TFPT: variants seen among roughly 807,000 people sequenced by gnomAD.
TFPT encodes the protein TCF3 fusion partner, also known as INO80 complex subunit F.
TFPT carries 27 observed loss-of-function variants against 28.8 expected under a neutral mutation model. The observed-to-expected ratio is 0.94, with a 90% CI of 0.69 to 1.29. The LOEUF (loss-of-function observed/expected upper bound fraction) is 1.29. Ranked by LOEUF, TFPT falls within the 50% of genes most tolerant of loss-of-function variation. TFPT has a pLI of 0.00. For missense variants in TFPT, 330 were observed against 338.0 expected (o/e 0.98, Z 0.19); for synonymous variants, 152 against 142.8 (o/e 1.06, Z -0.46).
At chr19:54,114,382 TGCGGGG>T in intron 2 of TFPT, 54 bp downstream of exon 2, 1 of 1,561,254 alleles carries the variant, frequency 6.4e-7, no homozygotes, top group East Asian at 2.2e-5. Flanking sequence ...AGGCAGAGAT[TGCGGGG>T]GGCGGTAGTT....
intron 2 of TFPT, among the ~76,000 whole-genome samples, chr19:54,110,917 A>C (rs908985343): frequency 6.6e-6 from 1 of 152,226 alleles, no homozygotes; most frequent in African/African-American, 2.4e-5. Flanking sequence ...CCTTAACCAG[A>C]GCCTGGCACG....
rs748378729 is a variant in TFPT, at chr19:54,107,176, G to A, written c.643-7C>T. 10 of 1,611,872 alleles carry A rather than the reference G, an allele frequency of 6.2e-6. No homozygotes were observed. Among genetic ancestry groups the A allele is most frequent in the African/African-American group, 1.3e-5 (1 of 74,676 alleles). On this transcript the variant is annotated splice_region_variant and splice_polypyrimidine_tract_variant and intron_variant, in intron 5 of 5. Transcript: ENST00000391759. ...AGTCTTCCTCAACCTTAATCTGCAG[G>A]AGATAAGGAACAAGGTGTTAACAGG...
At chr19:54,108,638 G>A (rs587608516) in intron 3 of TFPT, 23 of 1,482,174 alleles carry the variant, frequency 1.6e-5, no homozygotes, top group East Asian at 1.2e-4. Flanking sequence ...TGACACCCTC[G>A]GCTGGATGTT....
chr19:54,108,178 C>G lies in TFPT; in HGVS notation c.490G>C (p.Glu164Gln). Residue 164 changes from glutamate (E) to glutamine (Q), a missense_variant, in exon 5 of 6, where the codon GAG becomes CAG. Physicochemically the swap from Glu to Gln is conservative, Grantham distance 29 (BLOSUM62 2). Coordinates refer to ENST00000391759, the MANE Select transcript of TFPT (RefSeq NM_013342.4). ...GNAENEPPEKETLSPPRRTPA... is the reference protein window; with the variant it reads ...GNAENEPPEKQTLSPPRRTPA... ...GTCCTTCTGGGCGGGGACAGTGTCTCTTTCTCTGGAGGCTCATTCTCCGCA... is the reference window on the plus strand; with the variant it reads ...GTCCTTCTGGGCGGGGACAGTGTCTGTTTCTCTGGAGGCTCATTCTCCGCA... The G allele has an allele frequency of 6.3e-7, 1 of 1,596,012 alleles. No individual in the cohort carries two copies. Among genetic ancestry groups the G allele is most frequent in the South Asian group, 1.1e-5 (1 of 88,692 alleles).
chr19:54,111,684 GAAAAAA>G (rs56412241), intron 2 of TFPT, among the ~76,000 whole-genome samples: 2 of 119,476 alleles, frequency 1.7e-5, no homozygotes, highest in Non-Finnish European at 3.5e-5. Context: ...TGTCTCAAAA[GAAAAAA>G]AAAAAAAAAA....
Position 54,108,157 on chromosome 19 carries a change from T to G in TFPT, c.511A>C (p.Arg171=). Residue 171 remains arginine, a synonymous_variant, in exon 5 of 6, where the codon AGG becomes CGG. Coordinates refer to ENST00000391759, the MANE Select transcript of TFPT (RefSeq NM_013342.4). ...CCGGGTTCTGGGGGTGCAGGAGTCC[T>G]TCTGGGCGGGGACAGTGTCTCTTTC... ...PEKETLSPPR[R]TPAPPEPGSP... 1 of 1,589,644 alleles carries G rather than the reference T, an allele frequency of 6.3e-7. No individual in the cohort carries two copies. Among genetic ancestry groups the G allele is most frequent in the Non-Finnish European group, 8.6e-7 (1 of 1,165,728 alleles).
intron 1 of TFPT, 76 bp downstream of exon 1, chr19:54,115,171 G>A: frequency 1.2e-6 from 2 of 1,607,106 alleles, no homozygotes; most frequent in East Asian, 2.2e-5. Flanking sequence ...CAGCGTAAAA[G>A]CTCATATGGT....
At chr19:54,115,038 A>G (rs587726320) in intron 1 of TFPT, 1 of 767,776 alleles carries the variant, frequency 1.3e-6, no homozygotes, top group Non-Finnish European at 2.1e-6. Flanking sequence ...CTGGCTTCCA[A>G]CCTCCTAGTC....
chr19:54,114,068 T>A (rs1423729610), intron 2 of TFPT, among the ~76,000 whole-genome samples: 1 of 151,982 alleles, frequency 6.6e-6, no homozygotes, highest in Non-Finnish European at 1.5e-5. Context: ...GCCATAGGGA[T>A]GGAGGAGAGG....
chr19:54,108,770 G>T (rs1021077184), intron 3 of TFPT: 1 of 680,628 alleles, frequency 1.5e-6, no homozygotes, highest in Admixed American at 3.1e-5. Flanking sequence ...GGGGAGTACA[G>T]AACGCTCCTC....
Position 54,110,043 on chromosome 19 carries a change from G to C in TFPT, c.353+8C>G. On this transcript the variant is annotated splice_region_variant and intron_variant, in intron 3 of 5. Coordinates refer to ENST00000391759, the MANE Select transcript of TFPT (RefSeq NM_013342.4). ...TCACAGGCCCAGAGGGGACAGAGAA[G>C]GGGTTACCTCCGTTCCTGCTGCAGC... 1 of 1,613,900 alleles carries C rather than the reference G, an allele frequency of 6.2e-7. No homozygotes were observed.
At chr19:54,115,198 G>A in intron 1 of TFPT, 49 bp downstream of exon 1, 14 of 1,613,722 alleles carry the variant, frequency 8.7e-6, no homozygotes, top group Non-Finnish European at 1.2e-5. Flanking sequence ...CAATGCAGCT[G>A]CACTGTTTTC....
At chr19:54,108,867 T>C in intron 3 of TFPT, 1 of 378,696 alleles carries the variant, frequency 2.6e-6, no homozygotes, top group Non-Finnish European at 4.8e-6. Context: ...ATTGATGGAA[T>C]GCCTCCTCTG....
At chr19:54,108,280 G>A in intron 4 of TFPT, 36 bp from the exon 5 acceptor site, 1 of 1,575,760 alleles carries the variant, frequency 6.3e-7, no homozygotes, top group Non-Finnish European at 8.6e-7. Context: ...TGATGGGTGG[G>A]TCCTGAGCTC....
intron 1 of TFPT, 156 bp downstream of exon 1, chr19:54,115,091 A>T: frequency 8.6e-7 from 1 of 1,164,128 alleles, no homozygotes; most frequent in Non-Finnish European, 1.2e-6. Flanking sequence ...CTCCTCCCTC[A>T]GGATGACCCC....
At position 54,115,640 on chromosome 19, in the gene TFPT, C is replaced by A. The variant is rs2146380097; in HGVS notation, c.-371G>T. 2 of 410,080 alleles carry A rather than the reference C, an allele frequency of 4.9e-6. No homozygotes were observed. Among genetic ancestry groups the A allele is most frequent in the East Asian group, 4.0e-5 (1 of 25,026 alleles). 25.4% of individuals were successfully genotyped at this position (410,080 alleles called of 1,614,324 possible). ...CTCGCGGCTTACCGCCTCTCTCCGCCTAGTGCCAGGTGCTAATAAAGTTGT... is the reference window on the plus strand; with the variant it reads ...CTCGCGGCTTACCGCCTCTCTCCGCATAGTGCCAGGTGCTAATAAAGTTGT... On this transcript the variant is annotated 5_prime_UTR_variant, in exon 1 of 6. The change creates a new upstream start codon in the 5' untranslated region. Coordinates refer to ENST00000391759, the MANE Select transcript of TFPT (RefSeq NM_013342.4).
At chr19:54,114,784 C>T (rs867647384) in intron 1 of TFPT, 84 bp from the exon 2 acceptor site, 15 of 1,510,898 alleles carry the variant, frequency 9.9e-6, no homozygotes, top group African/African-American at 7.0e-5. Context: ...CAGACCCCAA[C>T]CCCTCCTCCC....
In TFPT at chr19:54,108,037, C is replaced by T. The variant is rs1169269396; in HGVS notation, c.631G>A (p.Ala211Thr). 3.3e-6 allele frequency: 5 copies of T among 1,520,346 alleles called. No homozygotes were observed. In the South Asian group the frequency reaches 6.6e-5, roughly 20 times the overall value. The allele number at this position is 1,520,346 out of a possible 1,614,324, so 94.2% of individuals were successfully genotyped here. A position where few individuals can be genotyped will look rare whatever the true frequency, so the allele number is the denominator to read the frequency against. Residue 211 changes from alanine to threonine, a missense_variant, in exon 5 of 6, where the codon GCC becomes ACC. Coordinates refer to ENST00000391759, the MANE Select transcript of TFPT (RefSeq NM_013342.4). The stretch of plus-strand genomic sequence containing the variant: ...CCCGCCTTCCTCACCTGCACCGGGG[C>T]CAGCTCTGGAGTCAGCGCATTTCCT... ...RAGNALTPELAPVQIKVEEDF... is the reference protein window; with the variant it reads ...RAGNALTPELTPVQIKVEEDF...
At position 54,115,594 on chromosome 19, in the gene TFPT, G is replaced by A; in HGVS notation, c.-325C>T. The stretch of plus-strand genomic sequence containing the variant: ...CTGCTTAGCAGGATCGGTCCACAGC[G>A]GGACGTGAGTCCCTTTCCTCCTCGC... On this transcript the variant is annotated 5_prime_UTR_variant, in exon 1 of 6. Coordinates refer to ENST00000391759, the MANE Select transcript of TFPT (RefSeq NM_013342.4). The A allele has an allele frequency of 2.0e-6, 1 of 493,006 alleles. No individual in the cohort carries two copies. Among genetic ancestry groups the A allele is most frequent in the Non-Finnish European group, 3.6e-6 (1 of 276,182 alleles). 30.5% of individuals were successfully genotyped at this position (493,006 alleles called of 1,614,324 possible). A position where few individuals can be genotyped will look rare whatever the true frequency, so the allele number is the denominator to read the frequency against.
Sources: allele counts gnomAD v4.1 joint callset (sites outside exome capture counted in the v4.1 genomes callset), GRCh38; gene constraint gnomAD v4.1.1; transcripts MANE v1.5; gene names NCBI Gene and HGNC (gene_info 2026-07-23, HGNC 2026-07-21).